Variants in MITD1 observed in about 807,000 individuals in gnomAD.
MITD1 encodes microtubule interacting and trafficking domain containing 1.
MITD1 carries 24 observed loss-of-function variants against 34.9 expected under a neutral mutation model. The observed-to-expected ratio is 0.69, with a 90% CI of 0.50 to 0.97. MITD1 has a LOEUF of 0.97. Ranked by LOEUF, MITD1 falls within the 50% of genes least tolerant of loss-of-function variation. MITD1 has a pLI of 0.00. For missense variants in MITD1, 266 were observed against 294.6 expected, an observed-to-expected ratio of 0.90 and a Z score of 0.71; for synonymous variants, 102 against 101.4, an observed-to-expected ratio of 1.01 and a Z score of -0.04.
chr2:99,167,993 C>T (rs942054810), downstream of MITD1, among the ~76,000 whole-genome samples: 11 of 152,268 alleles, frequency 7.2e-5, no homozygotes, highest in Admixed American at 6.5e-4. Flanking sequence ...CAACCTTGTT[C>T]CCATGGTCTC....
downstream of MITD1, among the ~76,000 whole-genome samples, chr2:99,164,897 C>G (rs2093819490): frequency 1.3e-5 from 2 of 151,900 alleles, no homozygotes; most frequent in Non-Finnish European, 2.9e-5. Context: ...GCTTCGAGTT[C>G]CAAATTGGAA....
chr2:99,171,537 T>A lies in MITD1; in HGVS notation c.363A>T (p.Glu121Asp). ...GATGAGTATGTCTAATATAAGGATC[T>A]TCTATCCAAACTTCTGTAACTGTCT... ...LNETVTEVWI[E>D]DPYIRHTHQL... Residue 121 changes from glutamate (E) to aspartate (D), a missense_variant, in exon 3 of 7, where the codon GAA becomes GAT. By Grantham distance (45) the Glu-to-Asp change is conservative. Coordinates refer to ENST00000289359, the MANE Select transcript of MITD1 (RefSeq NM_138798.3). 1 of 1,611,712 alleles carries A rather than the reference T, an allele frequency of 6.2e-7. No individual in the cohort carries two copies. Among genetic ancestry groups the A allele is most frequent in the Non-Finnish European group, 8.5e-7 (1 of 1,178,030 alleles).
chr2:99,165,019 T>TACACACACACACAC (rs56958044), downstream of MITD1, among the ~76,000 whole-genome samples: 61 of 136,762 alleles, frequency 4.5e-4, no homozygotes, highest in African/African-American at 1.5e-3. Flanking sequence ...CAAAATGGCA[T>TACACACACACACAC]ACACACACAC....
chr2:99,162,886 G>A (rs1265623660), intron 7 of MITD1: 2 of 1,612,750 alleles, frequency 1.2e-6, no homozygotes, highest in African/African-American at 1.3e-5. Context: ...ATTGAAATTT[G>A]TAATATTGAA....
intron 2 of MITD1, chr2:99,171,886 A>G: frequency 2.3e-6 from 1 of 439,118 alleles, no homozygotes; most frequent in African/African-American, 2.0e-5. Flanking sequence ...GGCAAGGGGG[A>G]AAATCTAGAG....
At chr2:99,163,190 A>AAAAAAC in intron 7 of MITD1, 1 of 525,362 alleles carries the variant, frequency 1.9e-6, no homozygotes. Context: ...AAAAAAAAAA[A>AAAAAAC]ACAAAACACA....
chr2:99,173,373 T>C lies in MITD1; in HGVS notation c.253+542A>G, dbSNP rs76982039. The stretch of plus-strand genomic sequence containing the variant: ...CATTTACAGACATTTGTAAACTGGA[T>C]GCTTAGGAGTAGGGAACTAATAATA... On this transcript the variant is annotated intron_variant, in intron 2 of 6. Transcript: ENST00000289359. 3.3e-3 allele frequency: 1,355 copies of C among 404,666 alleles called. 8 individuals carry two copies. The highest frequency in any genetic ancestry group is 0.019 in the East Asian group (256 of 13,556). 25.1% of individuals were successfully genotyped at this position (404,666 alleles called of 1,614,324 possible).
At chr2:99,167,348 T>C (rs866188208), downstream of MITD1, among the ~76,000 whole-genome samples, 17 of 152,216 alleles carry the variant, frequency 1.1e-4, no homozygotes, top group African/African-American at 4.1e-4. Flanking sequence ...TCCATAAAGC[T>C]TATAGTTGTT....
chr2:99,168,151 T>A (rs2093835533), downstream of MITD1, among the ~76,000 whole-genome samples: 1 of 152,216 alleles, frequency 6.6e-6, no homozygotes, highest in South Asian at 2.1e-4. Flanking sequence ...TGTTTCTTTT[T>A]TTATTTTGAG....
At position 99,171,632 on chromosome 2, in the gene MITD1, T is replaced by A. The variant is rs1241296362; in HGVS notation, c.268A>T (p.Lys90Ter). The part of the protein sequence containing the change: ...DQEKEDGKYH[K>*]QIKIEENATG... ...GCATTCTCTTCTATTTTAATTTGCTTGTGATATTTTCCATCTATAAAACAC... is the reference window on the plus strand; with the variant it reads ...GCATTCTCTTCTATTTTAATTTGCTAGTGATATTTTCCATCTATAAAACAC... The change falls in exon 3 of 7, where the codon AAG becomes TAG. Residue 90 changes from lysine to a stop codon, truncating the protein, a stop_gained. Transcript: ENST00000289359. LOFTEE classifies it high-confidence loss of function. 3.7e-6 allele frequency: 6 copies of A among 1,613,162 alleles called. No homozygotes were observed. The highest frequency in any genetic ancestry group is 5.1e-6 in the Non-Finnish European group (6 of 1,179,642).
At chr2:99,175,280 A>G (rs966255291) in intron 1 of MITD1, among the ~76,000 whole-genome samples, 1 of 152,198 alleles carries the variant, frequency 6.6e-6, no homozygotes, top group Non-Finnish European at 1.5e-5. Context: ...CCAGGATCCC[A>G]TATTGCATTT....
At chr2:99,168,858 C>T (rs544269720), downstream of MITD1, among the ~76,000 whole-genome samples, 31 of 151,634 alleles carry the variant, frequency 2.0e-4, no homozygotes, top group African/African-American at 6.5e-4. Context: ...CAGCTCACTG[C>T]AGCCTCAACC....
At chr2:99,166,486 G>GAA (rs367705088), downstream of MITD1, among the ~76,000 whole-genome samples, 63,147 of 116,502 alleles carry the variant, frequency 0.54, 16,787 homozygotes, top group Middle Eastern at 0.7. Context: ...GAGGAAATAA[G>GAA]AAAAAAAAAA....
chr2:99,171,515 G>A lies in MITD1; in HGVS notation c.385C>T (p.His129Tyr), dbSNP rs781103286. The part of the protein sequence containing the change: ...WIEDPYIRHT[H>Y]QLYNFLRFCE... ...ATTTTAGTATGTTCACATACCTGAT[G>A]AGTATGTCTAATATAAGGATCTTCT... The change falls in exon 3 of 7, where the codon CAT becomes TAT. Residue 129 changes from histidine to tyrosine, a missense_variant. Physicochemically the swap from His to Tyr is moderately conservative, Grantham distance 83. Transcript: ENST00000289359. 3.7e-6 allele frequency: 6 copies of A among 1,603,460 alleles called. No homozygotes were observed. Among genetic ancestry groups the A allele is most frequent in the Non-Finnish European group, 5.1e-6 (6 of 1,170,748 alleles).
intron 1 of MITD1, 182 bp downstream of exon 1, chr2:99,180,649 C>G: frequency 1.7e-6 from 1 of 604,500 alleles, no homozygotes; most frequent in African/African-American, 1.8e-5. Flanking sequence ...TTCTAGGTAA[C>G]ATCAATCTAT....
downstream of MITD1, among the ~76,000 whole-genome samples, chr2:99,167,835 T>C (rs537176373): frequency 3.3e-5 from 5 of 152,284 alleles, no homozygotes; most frequent in African/African-American, 1.2e-4. Context: ...TTCAGTATTA[T>C]CAGCACCTGA....
downstream of MITD1, among the ~76,000 whole-genome samples, chr2:99,165,090 CAG>C (rs200256704): frequency 5.6e-4 from 85 of 150,518 alleles, no homozygotes; most frequent in East Asian, 0.011. Flanking sequence ...TTTTTTGAGA[CAG>C]AGTCTCATTC....
At chr2:99,173,409 C>T (rs2093869126) in intron 2 of MITD1, 1 of 455,198 alleles carries the variant, frequency 2.2e-6, no homozygotes, top group Admixed American at 2.4e-5. Flanking sequence ...GGGAACAATA[C>T]CTACCTGACC....
chr2:99,173,591 G>T, intron 2 of MITD1: 1 of 468,764 alleles, frequency 2.1e-6, no homozygotes. Flanking sequence ...TCTTAACATA[G>T]GGTCCACACA....
Sources: allele counts gnomAD v4.1 joint callset (sites outside exome capture counted in the v4.1 genomes callset), GRCh38; gene constraint gnomAD v4.1.1; transcripts MANE v1.5; gene names NCBI Gene and HGNC (gene_info 2026-07-23, HGNC 2026-07-21).